CATSPERD: variants seen among roughly 807,000 people sequenced by gnomAD.
CATSPERD encodes the protein cation channel sperm-associated auxiliary subunit delta.
A neutral mutation model predicts 98.1 loss-of-function variants in CATSPERD; 86 were observed. The observed-to-expected ratio is 0.88, with a 90% CI of 0.74 to 1.05. CATSPERD has a LOEUF of 1.05. Ranked by LOEUF, CATSPERD falls within the 50% of genes least tolerant of loss-of-function variation. CATSPERD has a pLI of 0.00. For synonymous variants in CATSPERD, 394 were observed against 390.2 expected, an observed-to-expected ratio of 1.01 and a Z score of -0.12; for missense variants, 995 against 1,005.7, an observed-to-expected ratio of 0.99 and a Z score of 0.14.
Position 5,722,905 on chromosome 19 carries a change from T to A in CATSPERD, c.72-1903T>A, listed in dbSNP as rs145964128. On this transcript the variant is annotated intron_variant, in intron 1 of 21. Transcript: ENST00000381624. The stretch of plus-strand genomic sequence containing the variant: ...TCTGTGAAGGAGCCTTTAGAAATTC[T>A]TGGCCGGGCGCGGGGGCTCACGCCT... Among the ~76,000 whole-genome samples, 653 of 152,168 alleles carry A rather than the reference T, an allele frequency of 4.3e-3. 7 individuals carry two copies. Among genetic ancestry groups the A allele is most frequent in the African/African-American group, 0.015 (614 of 41,546 alleles).
intron 5 of CATSPERD, among the ~76,000 whole-genome samples, chr19:5,734,869 G>A (rs2055812061): frequency 6.6e-6 from 1 of 151,984 alleles, no homozygotes. Flanking sequence ...GAGGACCAGG[G>A]AAAACTGAGG....
At chr19:5,759,689 G>T (rs2056398047) in intron 15 of CATSPERD, among the ~76,000 whole-genome samples, 1 of 151,608 alleles carries the variant, frequency 6.6e-6, no homozygotes, top group Admixed American at 6.6e-5. Context: ...ACAGTCAAAA[G>T]GCAAAAATCA....
In CATSPERD at chr19:5,739,309, C is replaced by CTT. The variant is rs376258601; in HGVS notation, c.460-6_460-5dup. The CTT allele has an allele frequency of 3.2e-4, 339 of 1,073,182 alleles. No homozygotes were observed. The highest frequency in any genetic ancestry group is 2.3e-3 in the African/African-American group (138 of 60,864). The allele number at this position is 1,073,182 out of a possible 1,614,324, so 66.5% of individuals were successfully genotyped here. ...GGCATCTTTCTTTCATTCTTTCTTT[C>CTT]TTTTTTTTTTTTATAGCATGTCAGT... On this transcript the variant is annotated splice_polypyrimidine_tract_variant and intron_variant, in intron 6 of 21. Transcript: ENST00000381624.
At chr19:5,777,658 G>A (rs2056759851) in intron 21 of CATSPERD, among the ~76,000 whole-genome samples, 1 of 152,116 alleles carries the variant, frequency 6.6e-6, no homozygotes, top group Non-Finnish European at 1.5e-5. Flanking sequence ...CAGGACAGGT[G>A]GATCACTTGA....
intron 11 of CATSPERD, among the ~76,000 whole-genome samples, 199 bp downstream of exon 11, chr19:5,749,382 C>T (rs1035542142): frequency 4.6e-5 from 7 of 152,028 alleles, no homozygotes; most frequent in Non-Finnish European, 7.3e-5. Flanking sequence ...ATTCCAGTTA[C>T]ACGGGAGGCT....
In CATSPERD at chr19:5,754,220, A is replaced by G. The variant is rs139416880; in HGVS notation, c.1253A>G (p.Gln418Arg). ...GAATTGACTGCTTCGTTGATACCCC[A>G]GCCAGGCACATCCCTGATTCCTCTG... Reference protein sequence around the residue: ...QLELTASLIPQPGTSLIPLVM... With the variant: ...QLELTASLIPRPGTSLIPLVM... The change falls in exon 13 of 22, where the codon CAG (glutamine) becomes CGG (arginine). Residue 418 changes from glutamine to arginine, a missense_variant. By Grantham distance (43) the Gln-to-Arg change is conservative. Around this residue, in one of 3 missense-constraint regions of CATSPERD, gnomAD observed 762 missense variants for 773.7 expected, o/e 0.98. Coordinates refer to ENST00000381624, the MANE Select transcript of CATSPERD (RefSeq NM_152784.4). The G allele has an allele frequency of 3.1e-4, 505 of 1,613,534 alleles. 1 individual carries two copies. In the African/African-American group the frequency reaches 5.9e-3, roughly 19 times the overall value.
intron 12 of CATSPERD, chr19:5,753,720 T>G (rs765388564): frequency 5.7e-5 from 14 of 247,126 alleles, no homozygotes; most frequent in South Asian, 5.4e-4. Context: ...AAAAAAAAAT[T>G]GAATTAGCCG....
At chr19:5,772,214 A>ATTTTTTTTTTTT (rs35847357) in intron 19 of CATSPERD, 4 of 154,422 alleles carry the variant, frequency 2.6e-5, no homozygotes, top group Non-Finnish European at 4.8e-5. Context: ...TGCCCGGTTA[A>ATTTTTTTTTTTT]TTTTTTTTTT....
At chr19:5,766,289 GA>G (rs10645590) in intron 17 of CATSPERD, 134 bp downstream of exon 17, 3,424 of 241,284 alleles carry the variant, frequency 0.014, no homozygotes, top group East Asian at 0.041. Context: ...CGTCTCTACT[GA>G]AAAAAAAAAA....
rs543776289 is a variant in CATSPERD at position 5,767,557 on chromosome 19, G to A, written c.1560-611G>A. On this transcript the variant is annotated intron_variant, in intron 17 of 21. Transcript: ENST00000381624. ...GGCTGGAGTGCAGTGGCATGATCTC[G>A]GCTCACTACAAGCTCCGCCTCCCTG... Among the ~76,000 whole-genome samples the A allele has an allele frequency of 2.7e-3, 393 of 146,570 alleles. 2 individuals are homozygous for A. The highest frequency in any genetic ancestry group is 3.0e-3 in the Non-Finnish European group (202 of 66,584).
In CATSPERD at chr19:5,727,207, T is replaced by G. The variant is rs140114299; in HGVS notation, c.127-61T>G. On this transcript the variant is annotated intron_variant, in intron 2 of 21. Transcript: ENST00000381624. The stretch of plus-strand genomic sequence containing the variant: ...GAGACTCTTGTCTCAAAAAAAAAAA[T>G]TATTTCTATCAGCTGTTTATGGTTA... 8.0e-5 allele frequency: 106 copies of G among 1,328,410 alleles called. 1 individual carries two copies. The African/African-American group carries it at 1.4e-3, about 17-fold the overall frequency. 82.3% of individuals were successfully genotyped at this position (1,328,410 alleles called of 1,614,324 possible).
chr19:5,762,058 A>ATATATATATATATATATATATATAGTTT, intron 15 of CATSPERD, among the ~76,000 whole-genome samples: 1 of 10,442 alleles, frequency 9.6e-5, no homozygotes, highest in Non-Finnish European at 1.8e-4. Context: ...ATATATATAT[A>ATATATATATATATATATATATATAGTTT]TTTTTTTTTT....
chr19:5,727,173 C>T lies in CATSPERD; in HGVS notation c.127-95C>T. 14 of 900,434 alleles carry T rather than the reference C, an allele frequency of 1.6e-5. No homozygotes were observed. The South Asian group carries it at 2.0e-4, about 13-fold the overall frequency. The allele number at this position is 900,434 out of a possible 1,614,324, so 55.8% of individuals were successfully genotyped here. On this transcript the variant is annotated intron_variant, in intron 2 of 21. Transcript: ENST00000381624. ...TTGTGCAACTGCACTCCAGCCTGGG[C>T]AACAGAGCGAGACTCTTGTCTCAAA...
chr19:5,762,094 C>T (rs536119101), intron 15 of CATSPERD, among the ~76,000 whole-genome samples: 29 of 66,672 alleles, frequency 4.3e-4, no homozygotes, highest in African/African-American at 1.2e-3. Flanking sequence ...GACACAGTTT[C>T]ACTCTGTCGC....
chr19:5,740,126 A>G (rs2055928965), intron 7 of CATSPERD, among the ~76,000 whole-genome samples: 1 of 151,528 alleles, frequency 6.6e-6, no homozygotes, highest in Non-Finnish European at 1.5e-5. Flanking sequence ...TACTAAAAGT[A>G]CAAAATGGGC....
rs371618646 is a variant in CATSPERD at position 5,771,088 on chromosome 19, G to C, written c.1763+16G>C. Reference sequence around the variant, plus strand: ...TGGTGGAGCTGTAAGACCCCAGGGGGGTGCTGCAGGGTGGGGACGGTGGCA... The same window carrying C: ...TGGTGGAGCTGTAAGACCCCAGGGGCGTGCTGCAGGGTGGGGACGGTGGCA... On this transcript the variant is annotated intron_variant, in intron 19 of 21. Transcript: ENST00000381624. The C allele has an allele frequency of 1.5e-5, 24 of 1,607,968 alleles. No individual in the cohort carries two copies. Among genetic ancestry groups the C allele is most frequent in the Admixed American group, 8.5e-5 (5 of 58,702 alleles).
chr19:5,766,274 A>C, intron 17 of CATSPERD, 119 bp downstream of exon 17: 1 of 519,664 alleles, frequency 1.9e-6, no homozygotes, highest in Non-Finnish European at 3.0e-6. Context: ...AACATGGCGA[A>C]ACCCCGTCTC....
intron 8 of CATSPERD, 120 bp from the exon 9 acceptor site, chr19:5,745,793 T>G: frequency 1.1e-6 from 1 of 869,676 alleles, no homozygotes; most frequent in Non-Finnish European, 1.7e-6. Flanking sequence ...GACTTGTGGC[T>G]TCTTTGCTTT....
chr19:5,772,214 ATTTTTTTTTTTTTTTTTTT>A (rs35847357), intron 19 of CATSPERD: 3 of 154,442 alleles, frequency 1.9e-5, no homozygotes, highest in East Asian at 1.9e-4. Flanking sequence ...TGCCCGGTTA[ATTTTTTTTTTTTTTTTTTT>A]TTTTTTTTTT....
Sources: allele counts gnomAD v4.1 joint callset (sites outside exome capture counted in the v4.1 genomes callset), GRCh38; gene constraint gnomAD v4.1.1; regional missense constraint gnomAD v4.1.1; transcripts MANE v1.5; gene names NCBI Gene and HGNC (gene_info 2026-07-23, HGNC 2026-07-21).